STK24: variants seen among roughly 807,000 people sequenced by gnomAD.
STK24 encodes serine/threonine kinase 24.
In STK24, 21 loss-of-function variants were observed where a neutral mutation model predicts 55.6. The observed-to-expected ratio is 0.38, with a 90% CI of 0.27 to 0.54. The LOEUF is 0.54. Among genes scored for constraint, STK24 ranks in the 20% least tolerant of loss-of-function variants. The pLI is 0.79. For missense variants in STK24, 383 were observed against 538.4 expected (o/e 0.71, Z 2.86); for synonymous variants, 200 against 215.2 (o/e 0.93, Z 0.62).
At chr13:98,485,719 G>C (rs1230057356) in intron 2 of STK24, among the ~76,000 whole-genome samples, 2 of 152,260 alleles carry the variant, frequency 1.3e-5, no homozygotes, top group Non-Finnish European at 2.9e-5. Flanking sequence ...AGGTTAGAAA[G>C]ATGGAGTCAG....
chr13:98,454,307 G>A (rs1423375489), intron 10 of STK24: 7 of 152,196 alleles, frequency 4.6e-5, no homozygotes, highest in Non-Finnish European at 1.0e-4. Context: ...CAAAGGGTGA[G>A]AACGGGGTCC....
chr13:98,553,337 G>A (rs1287979386), intron 1 of STK24: 1 of 152,290 alleles, frequency 6.6e-6, no homozygotes, highest in Non-Finnish European at 1.5e-5. Flanking sequence ...AGTGCCCAGA[G>A]GCTTCGGGAG....
chr13:98,462,428 T>A (rs1235037210), intron 7 of STK24, among the ~76,000 whole-genome samples: 1 of 151,998 alleles, frequency 6.6e-6, no homozygotes, highest in Non-Finnish European at 1.5e-5. Flanking sequence ...GAGATGATGG[T>A]GTGCTGATCA....
chr13:98,461,734 A>T (rs754150206), intron 8 of STK24, 40 bp downstream of exon 8: 4 of 1,606,012 alleles, frequency 2.5e-6, no homozygotes, highest in Non-Finnish European at 1.7e-6. Flanking sequence ...AACACTGCAG[A>T]CTGAGGTCAG....
intron 1 of STK24, among the ~76,000 whole-genome samples, chr13:98,556,182 G>C (rs1310968585): frequency 6.6e-6 from 1 of 152,238 alleles, no homozygotes; most frequent in Non-Finnish European, 1.5e-5. Flanking sequence ...AGGGCTGGCA[G>C]GGGGCATGGA....
intron 1 of STK24, among the ~76,000 whole-genome samples, chr13:98,539,378 T>G (rs1896823794): frequency 6.6e-6 from 1 of 152,208 alleles, no homozygotes; most frequent in South Asian, 2.1e-4. Flanking sequence ...TTCTTGATGA[T>G]GAACCATCCT....
At chr13:98,558,463 G>T (rs185237167) in intron 1 of STK24, among the ~76,000 whole-genome samples, 1 of 152,112 alleles carries the variant, frequency 6.6e-6, no homozygotes, top group African/African-American at 2.4e-5. Flanking sequence ...ATGGAGAAGG[G>T]GGTACTGCAG....
At chr13:98,472,016 C>A (rs899269605) in intron 5 of STK24, among the ~76,000 whole-genome samples, 1 of 152,172 alleles carries the variant, frequency 6.6e-6, no homozygotes, top group Non-Finnish European at 1.5e-5. Context: ...GAGACCAGAG[C>A]GGCCTCCAGT....
chr13:98,576,812 G>GACGGGACGGCCGGGCCGCGACGATCCGC lies in STK24; in HGVS notation c.-54_-27dup, dbSNP rs1897912885. ...GGCGCTCAGGACGGCCACTTCCTGG[G>GACGGGACGGCCGGGCCGCGACGATCCGC]ACGGGACGGCCGGGCCGCGACGATC... On this transcript the variant is annotated 5_prime_UTR_variant, in exon 1 of 11. Transcript: ENST00000539966. The GACGGGACGGCCGGGCCGCGACGATCCGC allele has an allele frequency of 7.6e-7, 1 of 1,318,410 alleles. No homozygotes were observed. The highest frequency in any genetic ancestry group is 1.5e-5 in the African/African-American group (1 of 64,612). The allele number at this position is 1,318,410 out of a possible 1,614,324, so 81.7% of individuals were successfully genotyped here.
In STK24 at chr13:98,574,136, C is replaced by T. The variant is rs541833334; in HGVS notation, c.42+2609G>A. ...AAGTGATTCTCCTGCCTCAGCCTCCCGAGTAGCTGGGATTACAGGCGTGTG... is the reference window on the plus strand; with the variant it reads ...AAGTGATTCTCCTGCCTCAGCCTCCTGAGTAGCTGGGATTACAGGCGTGTG... On this transcript the variant is annotated intron_variant, in intron 1 of 10. Coordinates refer to ENST00000539966, the MANE Select transcript of STK24 (RefSeq NM_001032296.4). Among the ~76,000 whole-genome samples, 4 of 152,236 alleles carry T rather than the reference C, an allele frequency of 2.6e-5. No homozygotes were observed. In the South Asian group the frequency reaches 8.3e-4, roughly 32 times the overall value.
rs200248961 is a variant in STK24, at chr13:98,490,840, A to AC, written c.274-8520_274-8519insG. Among the ~76,000 whole-genome samples the AC allele has an allele frequency of 7.9e-3, 1,197 of 152,064 alleles. 19 individuals carry two copies. Among genetic ancestry groups the AC allele is most frequent in the African/African-American group, 0.027 (1,124 of 41,448 alleles). ...GAAGGCAGCCTACATTAAAAAAAAA[A>AC]AAAAAACAGAACACTGGAGTTTCTG... On this transcript the variant is annotated intron_variant, in intron 2 of 10. Coordinates refer to ENST00000539966, the MANE Select transcript of STK24 (RefSeq NM_001032296.4).
chr13:98,508,301 G>GTTAA (rs1336679627), intron 2 of STK24, among the ~76,000 whole-genome samples: 2 of 152,124 alleles, frequency 1.3e-5, no homozygotes, highest in African/African-American at 4.8e-5. Context: ...TTCCCCAACA[G>GTTAA]AGGACGCTTC....
Position 98,448,319 on chromosome 13 carries a change from G to A in STK24, c.*4854C>T, listed in dbSNP as rs139195666. On this transcript the variant is annotated 3_prime_UTR_variant, in exon 11 of 11. Transcript: ENST00000539966. ...CACAAAGAGTCTCTTGTGTATTGATGGCCGGACACACTCGTTTCCGCAGTG... is the reference window on the plus strand; with the variant it reads ...CACAAAGAGTCTCTTGTGTATTGATAGCCGGACACACTCGTTTCCGCAGTG... The A allele has an allele frequency of 6.0e-5, 97 of 1,609,802 alleles. No homozygotes were observed. In the African/African-American group the frequency reaches 1.2e-3, roughly 20 times the overall value.
intron 1 of STK24, among the ~76,000 whole-genome samples, chr13:98,528,381 C>G (rs1453812301): frequency 6.6e-6 from 1 of 152,144 alleles, no homozygotes; most frequent in African/African-American, 2.4e-5. Flanking sequence ...AACATGGTCC[C>G]CTCAGCCCAG....
At chr13:98,494,428 A>AAAAAAAAAAAAAAAT (rs58955737) in intron 2 of STK24, among the ~76,000 whole-genome samples, 2 of 148,884 alleles carry the variant, frequency 1.3e-5, no homozygotes, top group Non-Finnish European at 3.0e-5. Context: ...AAAAAAAAAA[A>AAAAAAAAAAAAAAAT]GTGCCTCTAA....
chr13:98,476,878 A>C (rs1307109734), intron 3 of STK24, among the ~76,000 whole-genome samples: 1 of 152,248 alleles, frequency 6.6e-6, no homozygotes, highest in Non-Finnish European at 1.5e-5. Flanking sequence ...CTGGCAGCAG[A>C]CACACCTGGA....
intron 1 of STK24, among the ~76,000 whole-genome samples, chr13:98,542,031 T>A (rs1182035527): frequency 6.6e-6 from 1 of 152,186 alleles, no homozygotes; most frequent in East Asian, 1.9e-4. Context: ...GCTCGTTCCA[T>A]CTCCACCCGC....
At chr13:98,574,924 G>C (rs140602517) in intron 1 of STK24, among the ~76,000 whole-genome samples, 5 of 151,558 alleles carry the variant, frequency 3.3e-5, no homozygotes, top group East Asian at 1.9e-4. Context: ...CTGACTTCAC[G>C]GCACCAGCCA....
chr13:98,555,413 C>T (rs1382103018), intron 1 of STK24, among the ~76,000 whole-genome samples: 1 of 151,718 alleles, frequency 6.6e-6, no homozygotes, highest in Non-Finnish European at 1.5e-5. Context: ...AACCCCATCT[C>T]TACTAAAAAC....
Sources: gnomAD v4.1 joint callset for allele counts (sites outside exome capture counted in the v4.1 genomes callset) on GRCh38, gnomAD v4.1.1 for gene constraint, MANE v1.5 for transcripts, NCBI Gene and HGNC (gene_info 2026-07-23, HGNC 2026-07-21) for gene names.